Variants in HCN1 observed in about 807,000 individuals in gnomAD.
The protein encoded by HCN1 is hyperpolarization activated cyclic nucleotide gated potassium channel 1, also known as potassium/sodium hyperpolarization-activated cyclic nucleotide-gated channel 1.
In HCN1, 13 loss-of-function variants were observed where a neutral mutation model predicts 78.9. The observed-to-expected ratio is 0.16, with a 90% CI of 0.11 to 0.26. The LOEUF (loss-of-function observed/expected upper bound fraction) is 0.26. Among genes scored for constraint, HCN1 ranks in the 10% least tolerant of loss-of-function variants. The pLI is 1.00. For missense variants in HCN1, 810 were observed against 1,154.3 expected (o/e 0.70, Z 4.32); for synonymous variants, 552 against 455.5 (o/e 1.21, Z -2.70).
intron 6 of HCN1, among the ~76,000 whole-genome samples, chr5:45,276,887 G>T (rs1041107111): frequency 2.0e-5 from 3 of 151,990 alleles, no homozygotes; most frequent in African/African-American, 7.2e-5. Context: ...CAAGAGAAAA[G>T]GAACAGGAGG....
At chr5:45,549,104 T>G (rs143993058) in intron 2 of HCN1, among the ~76,000 whole-genome samples, 8,416 of 151,962 alleles carry the variant, frequency 0.055, 284 homozygotes, top group East Asian at 0.14. Context: ...GCCATCCCCA[T>G]CAAGCTACCA....
At chr5:45,515,878 C>T (rs1285593785) in intron 2 of HCN1, among the ~76,000 whole-genome samples, 10 of 151,668 alleles carry the variant, frequency 6.6e-5, no homozygotes, top group Admixed American at 1.3e-4. Context: ...AAATATAAAC[C>T]CATCAAAATG....
intron 4 of HCN1, among the ~76,000 whole-genome samples, chr5:45,372,266 T>G (rs1443333973): frequency 1.2e-5 from 1 of 84,242 alleles, no homozygotes; most frequent in African/African-American, 4.8e-5. Context: ...TATTTATATA[T>G]ATATTTATAT....
intron 1 of HCN1, among the ~76,000 whole-genome samples, chr5:45,658,440 A>T (rs1745831594): frequency 6.6e-6 from 1 of 152,130 alleles, no homozygotes. Flanking sequence ...CTACCATCAG[A>T]GGGGGAGGAG....
At chr5:45,602,674 T>C (rs1744648006) in intron 2 of HCN1, among the ~76,000 whole-genome samples, 1 of 152,156 alleles carries the variant, frequency 6.6e-6, no homozygotes, top group South Asian at 2.1e-4. Flanking sequence ...AATGTGTCTT[T>C]ATTTTTCCTG....
intron 2 of HCN1, among the ~76,000 whole-genome samples, chr5:45,474,455 T>A (rs1052344428): frequency 1.9e-4 from 29 of 151,946 alleles, no homozygotes; most frequent in African/African-American, 6.3e-4. Context: ...TCACTTGAGT[T>A]TTTTCAAAAC....
intron 1 of HCN1, among the ~76,000 whole-genome samples, chr5:45,691,788 C>T (rs1253600879): frequency 6.6e-6 from 1 of 152,074 alleles, no homozygotes; most frequent in Non-Finnish European, 1.5e-5. Flanking sequence ...ATGGGTGAAG[C>T]CTCCCTTCCC....
chr5:45,604,132 A>C (rs962160948), intron 2 of HCN1, among the ~76,000 whole-genome samples: 9 of 152,152 alleles, frequency 5.9e-5, no homozygotes, highest in South Asian at 4.1e-4. Context: ...CAGAATTGAC[A>C]GAATGACAAG....
Position 45,527,188 on chromosome 5 carries a change from T to C in HCN1, c.850-65181A>G, listed in dbSNP as rs184902460. Among the ~76,000 whole-genome samples the C allele has an allele frequency of 2.2e-5, 3 of 137,146 alleles. No individual in the cohort carries two copies. In the South Asian group the frequency reaches 7.5e-4, roughly 34 times the overall value. 90.0% of individuals were successfully genotyped at this position (137,146 alleles called of 152,430 possible). On this transcript the variant is annotated intron_variant, in intron 2 of 7. Coordinates refer to ENST00000303230, the MANE Select transcript of HCN1 (RefSeq NM_021072.4). The stretch of plus-strand genomic sequence containing the variant: ...TTTTAAATGTCTCTTCTCATCTATC[T>C]CTCTGAATAGAATGCGAGGGGACTG...
intron 2 of HCN1, among the ~76,000 whole-genome samples, chr5:45,633,756 G>A (rs989048931): frequency 4.6e-5 from 7 of 151,798 alleles, no homozygotes; most frequent in South Asian, 4.1e-4. Context: ...TTTTTATTTC[G>A]TATAGCTAGT....
At chr5:45,419,569 C>A (rs1455901074) in intron 3 of HCN1, among the ~76,000 whole-genome samples, 1 of 152,154 alleles carries the variant, frequency 6.6e-6, no homozygotes, top group African/African-American at 2.4e-5. Context: ...TCTTCAGCTA[C>A]CTTTTGTTCA....
intron 3 of HCN1, among the ~76,000 whole-genome samples, chr5:45,454,520 C>CTTTTTTTTTTTTTTTT (rs1740986614): frequency 6.6e-6 from 1 of 151,338 alleles, no homozygotes; most frequent in African/African-American, 2.4e-5. Context: ...TAAAATCTTT[C>CTTTTTTTTTTTTTTTT]TGTTATGGCA....
At chr5:45,400,394 CTTTTTTTTT>C (rs541820226) in intron 3 of HCN1, among the ~76,000 whole-genome samples, 1 of 113,018 alleles carries the variant, frequency 8.8e-6, no homozygotes, top group Non-Finnish European at 1.8e-5. Context: ...ATTAAAAATG[CTTTTTTTTT>C]TTTTTTTTTT....
rs550971631 is a variant in HCN1 at position 45,350,749 on chromosome 5, A to T, written c.1377+2351T>A. ...ACCAACAACAGACAAACAGAGAGCC[A>T]AATCATGAGTGAACTCCCATTCACA... is the stretch of plus-strand genomic sequence containing the variant. On this transcript the variant is annotated intron_variant, in intron 5 of 7. Coordinates refer to ENST00000303230, the MANE Select transcript of HCN1 (RefSeq NM_021072.4). Among the ~76,000 whole-genome samples the T allele has an allele frequency of 3.9e-5, 6 of 151,910 alleles. No individual in the cohort carries two copies. In the East Asian group the frequency reaches 1.2e-3, roughly 29 times the overall value.
In HCN1 at chr5:45,353,182, T is replaced by C. The variant is rs747175226; in HGVS notation, c.1295A>G (p.His432Arg). 1 of 1,609,038 alleles carries C rather than the reference T, an allele frequency of 6.2e-7. No homozygotes were observed. Among genetic ancestry groups the C allele is most frequent in the Non-Finnish European group, 8.5e-7 (1 of 1,175,852 alleles). Residue 432 changes from histidine to arginine, a missense_variant, in exon 5 of 8, where the codon CAT becomes CGT. His to Arg is a conservative substitution (Grantham distance 29, BLOSUM62 0). Coordinates refer to ENST00000303230, the MANE Select transcript of HCN1 (RefSeq NM_021072.4). ...KLPADMRQKI[H>R]DYYEHRYQGK... ...TTGGTATCTGTGTTCATAGTAATCA[T>C]GTATCTTCTGACGCATATCAGCTGG...
rs1747695338 is a variant in HCN1 at position 45,377,028 on chromosome 5, A to T, written c.1230+19464T>A. 2.6e-5 allele frequency among the ~76,000 whole-genome samples: 4 copies of T among 152,182 alleles called. No homozygotes were observed. In the South Asian group the frequency reaches 8.3e-4, roughly 32 times the overall value. ...CTTGGAATGCTATCTTGGACAAGAA[A>T]GTAATTATAAGAAAAGGTTTGACTT... On this transcript the variant is annotated intron_variant, in intron 4 of 7. Coordinates refer to ENST00000303230, the MANE Select transcript of HCN1 (RefSeq NM_021072.4).
intron 2 of HCN1, among the ~76,000 whole-genome samples, chr5:45,525,656 CTGCAAATGAGAAATAGGAGGA>C (rs1742723058): frequency 6.6e-6 from 1 of 151,950 alleles, no homozygotes; most frequent in Admixed American, 6.6e-5. Context: ...TTGCTCCATT[CTGCAAATGAGAAATAGGAGGA>C]TGAGAGAGAA....
intron 3 of HCN1, among the ~76,000 whole-genome samples, chr5:45,438,932 A>G (rs1363858446): frequency 6.6e-6 from 1 of 152,198 alleles, no homozygotes; most frequent in Non-Finnish European, 1.5e-5. Context: ...GATTTAAATT[A>G]TGTCTCTTTT....
intron 1 of HCN1, among the ~76,000 whole-genome samples, chr5:45,657,874 G>C (rs902992786): frequency 6.6e-6 from 1 of 152,108 alleles, no homozygotes; most frequent in Middle Eastern, 3.2e-3. Context: ...TTTCTTCACA[G>C]AATTGGAAAA....
Sources: gnomAD v4.1 joint callset for allele counts (sites outside exome capture counted in the v4.1 genomes callset) on GRCh38, gnomAD v4.1.1 for gene constraint, MANE v1.5 for transcripts, NCBI Gene and HGNC (gene_info 2026-07-23, HGNC 2026-07-21) for gene names.